Variants in USP28 observed in about 807,000 individuals in gnomAD.
The protein encoded by USP28 is ubiquitin carboxyl-terminal hydrolase 28.
Under a neutral mutation model 145.0 loss-of-function variants are expected in USP28, and 113 were observed. The ratio of observed to expected loss-of-function variants is 0.78; its 90% CI spans 0.67 to 0.91. USP28 has a LOEUF of 0.91. USP28 is among the 40% of genes least tolerant of loss of function. The pLI, the probability that USP28 is intolerant of heterozygous loss-of-function variation, is 0.00. For synonymous variants in USP28, 447 were observed against 450.9 expected (o/e 0.99, Z 0.11); for missense variants, 1,201 against 1,289.6 (o/e 0.93, Z 1.05).
At chr11:113,849,513 A>T (rs1946236996) in intron 3 of USP28, among the ~76,000 whole-genome samples, 1 of 151,616 alleles carries the variant, frequency 6.6e-6, no homozygotes, top group Admixed American at 6.6e-5. Context: ...TGGTCACATG[A>T]TCAGGCAGGA....
chr11:113,825,230 C>A (rs1218661010), intron 11 of USP28, among the ~76,000 whole-genome samples: 1 of 152,072 alleles, frequency 6.6e-6, no homozygotes, highest in Admixed American at 6.6e-5. Context: ...TGTATATGTT[C>A]AATTAATTTT....
At chr11:113,867,022 G>A (rs1387248829) in intron 1 of USP28, among the ~76,000 whole-genome samples, 2 of 152,014 alleles carry the variant, frequency 1.3e-5, no homozygotes, top group Admixed American at 6.6e-5. Context: ...TACAATAAAC[G>A]ACAGATGCCA....
intron 14 of USP28, 57 bp from the exon 15 acceptor site, chr11:113,814,012 C>G: frequency 7.5e-7 from 1 of 1,341,234 alleles, no homozygotes; most frequent in Non-Finnish European, 1.0e-6. Context: ...CTATGTCACA[C>G]AGGCTACTTT....
intron 13 of USP28, among the ~76,000 whole-genome samples, chr11:113,816,926 T>C (rs1048448711): frequency 6.6e-6 from 1 of 152,214 alleles, no homozygotes; most frequent in Non-Finnish European, 1.5e-5. Context: ...TCTATCCAAA[T>C]AAGCATTTCT....
At chr11:113,870,715 G>A (rs1440728243) in intron 1 of USP28, among the ~76,000 whole-genome samples, 2 of 152,224 alleles carry the variant, frequency 1.3e-5, no homozygotes, top group African/African-American at 2.4e-5. Context: ...GCCACCTTAA[G>A]CTCTGTAGCA....
chr11:113,799,629 T>C (rs1283774996), intron 24 of USP28, among the ~76,000 whole-genome samples: 1 of 152,216 alleles, frequency 6.6e-6, no homozygotes, highest in Non-Finnish European at 1.5e-5. Flanking sequence ...ATAATTACTT[T>C]ATTACGAAAG....
chr11:113,823,786 T>G (rs2135740289), intron 11 of USP28, 86 bp from the exon 12 acceptor site: 1 of 1,135,518 alleles, frequency 8.8e-7, no homozygotes, highest in East Asian at 2.6e-5. Context: ...CAAGGAAACT[T>G]CTTCAATCAG....
chr11:113,819,274 A>G lies in USP28; in HGVS notation c.1284-1437T>C, dbSNP rs529874506. On this transcript the variant is annotated intron_variant, in intron 12 of 24. Coordinates refer to ENST00000003302, the Ensembl canonical transcript of USP28. ...ACTACAGGTGTGCGATGCCACGCCC[A>G]GCTAATTTTTATATTTTTAGTAGAG... 2.0e-5 allele frequency among the ~76,000 whole-genome samples: 3 copies of G among 151,770 alleles called. No individual in the cohort carries two copies. In the South Asian group the frequency reaches 6.3e-4, roughly 32 times the overall value.
At chr11:113,861,094 A>G (rs1947635580) in intron 1 of USP28, among the ~76,000 whole-genome samples, 1 of 150,044 alleles carries the variant, frequency 6.7e-6, no homozygotes, top group Admixed American at 6.6e-5. Flanking sequence ...ATTCCACTCC[A>G]GCCTGGGCGA....
At chr11:113,821,311 A>C (rs535148986) in intron 12 of USP28, 39 of 225,948 alleles carry the variant, frequency 1.7e-4, no homozygotes, top group Non-Finnish European at 3.5e-4. Context: ...ACAGTGCTAC[A>C]TGGAACCAAG....
At chr11:113,809,248 G>A (rs773474720) in exon 17 of USP28, 3 of 1,613,330 alleles carry the variant, frequency 1.9e-6, no homozygotes, top group South Asian at 1.1e-5. Context: ...TTCAGTTGGG[G>A]CTGCCTCTGA....
exon 18 of USP28, chr11:113,808,401 A>C: frequency 6.2e-7 from 1 of 1,614,132 alleles, no homozygotes; most frequent in Non-Finnish European, 8.5e-7. Context: ...CTCAGACGAC[A>C]AGCAGCGAAC....
chr11:113,829,526 C>T, intron 9 of USP28, 181 bp from the exon 10 acceptor site: 1 of 683,824 alleles, frequency 1.5e-6, no homozygotes. Context: ...ACAATGAAAA[C>T]CAGTAACACT....
exon 10 of USP28, chr11:113,829,319 A>T: frequency 6.2e-7 from 1 of 1,614,216 alleles, no homozygotes; most frequent in Non-Finnish European, 8.5e-7. Flanking sequence ...TACTGGCCGA[A>T]GGTCTCATTG....
chr11:113,811,364 A>T (rs1015700286), intron 16 of USP28, among the ~76,000 whole-genome samples: 6 of 152,240 alleles, frequency 3.9e-5, no homozygotes, highest in Non-Finnish European at 7.3e-5. Context: ...TAGTAGTATT[A>T]CAACAACTGT....
intron 3 of USP28, among the ~76,000 whole-genome samples, chr11:113,850,902 C>T (rs1231310440): frequency 1.3e-5 from 2 of 152,166 alleles, no homozygotes; most frequent in East Asian, 1.9e-4. Context: ...ACACTTCTGC[C>T]GTGAATGTCT....
chr11:113,847,493 TAAA>T (rs1378982648), intron 3 of USP28, among the ~76,000 whole-genome samples: 1 of 152,072 alleles, frequency 6.6e-6, no homozygotes, highest in Non-Finnish European at 1.5e-5. Context: ...AAGAGAGTCT[TAAA>T]AGACACTTCA....
exon 5 of USP28, chr11:113,840,694 T>C: frequency 6.2e-7 from 1 of 1,614,224 alleles, no homozygotes; most frequent in Admixed American, 1.7e-5. Flanking sequence ...TGGGGTTTTC[T>C]CCCCAGACTT....
At chr11:113,800,870 T>A (rs938579518) in intron 24 of USP28, among the ~76,000 whole-genome samples, 12 of 144,554 alleles carry the variant, frequency 8.3e-5, no homozygotes, top group Non-Finnish European at 1.1e-4. Context: ...GGATATGGAG[T>A]CTCATTCCGT....
Sources: gnomAD v4.1 joint callset for allele counts (sites outside exome capture counted in the v4.1 genomes callset) on GRCh38, gnomAD v4.1.1 for gene constraint, MANE v1.5 for transcripts, NCBI Gene and HGNC (gene_info 2026-07-23, HGNC 2026-07-21) for gene names.